The following OR2L13 variants were observed in gnomAD, a reference collection of about 807,000 sequenced individuals.
OR2L13 encodes olfactory receptor family 2 subfamily L member 13.
OR2L13 carries 14 observed loss-of-function variants against 15.3 expected under a neutral mutation model. The ratio of observed to expected loss-of-function variants is 0.91; its 90% CI spans 0.60 to 1.43. The LOEUF is 1.43. OR2L13 is among the 40% of genes most tolerant of loss of function. The pLI is 0.00. For missense variants in OR2L13, 367 were observed against 387.9 expected (o/e 0.95, Z 0.45); for synonymous variants, 152 against 142.9 (o/e 1.06, Z -0.45).
chr1:248,098,565 GC>G (rs759085595), intron 1 of OR2L13, 85 bp from the exon 2 acceptor site: 11 of 152,068 alleles, frequency 7.2e-5, no homozygotes, highest in Non-Finnish European at 1.5e-4. Context: ...TTGTATTCAT[GC>G]TACCCAAGGT....
the OR2L13 span, chr1:247,975,319 T>A: frequency 2.0e-6 from 1 of 501,252 alleles, no homozygotes; most frequent in Non-Finnish European, 3.9e-6. Flanking sequence ...CACAGTGTTT[T>A]TGAGCACAAC....
the OR2L13 span, among the ~76,000 whole-genome samples, chr1:248,011,828 C>A: frequency 6.6e-6 from 1 of 152,118 alleles, no homozygotes; most frequent in African/African-American, 2.4e-5. Context: ...TGTATCAATC[C>A]TCCTGCCCTC....
At chr1:248,054,582 G>A in the OR2L13 span, among the ~76,000 whole-genome samples, 1 of 152,150 alleles carries the variant, frequency 6.6e-6, no homozygotes, top group Non-Finnish European at 1.5e-5. Context: ...AGTATGGAAT[G>A]TTTTTCCCTC....
the OR2L13 span, among the ~76,000 whole-genome samples, chr1:248,067,953 G>A: frequency 2.3e-3 from 345 of 152,346 alleles, no homozygotes; most frequent in Non-Finnish European, 3.4e-3. Flanking sequence ...AGGGGCGCCC[G>A]CCATTGCCCA....
chr1:247,981,838 C>T, the OR2L13 span, among the ~76,000 whole-genome samples: 4 of 148,604 alleles, frequency 2.7e-5, 1 homozygote, highest in Non-Finnish European at 5.9e-5. Context: ...TTTTTTGAGA[C>T]GGAGTCTCGC....
the OR2L13 span, among the ~76,000 whole-genome samples, chr1:248,046,081 G>C: frequency 3.3e-5 from 5 of 152,016 alleles, no homozygotes; most frequent in South Asian, 1.0e-3. Context: ...TAAGAAATTC[G>C]AGAACATTTA....
chr1:248,031,947 C>A, the OR2L13 span, among the ~76,000 whole-genome samples: 25 of 152,152 alleles, frequency 1.6e-4, no homozygotes, highest in African/African-American at 5.8e-4. Context: ...TAATAACTCT[C>A]ATGGAAAGTT....
the OR2L13 span, among the ~76,000 whole-genome samples, chr1:248,008,015 G>C: frequency 6.6e-6 from 1 of 152,078 alleles, no homozygotes; most frequent in Non-Finnish European, 1.5e-5. Flanking sequence ...AGAAATTTTG[G>C]TTAACATTAG....
the OR2L13 span, among the ~76,000 whole-genome samples, chr1:248,021,731 C>G: frequency 6.6e-6 from 1 of 152,106 alleles, no homozygotes. Context: ...ATTTTATTTG[C>G]AGCTATTTTT....
the OR2L13 span, among the ~76,000 whole-genome samples, chr1:247,981,817 ATT>A: frequency 0.038 from 5,433 of 143,080 alleles, 303 homozygotes; most frequent in African/African-American, 0.13. Context: ...CATAATAACA[ATT>A]TTTTTTTTTT....
At chr1:247,938,497 G>A in the OR2L13 span, among the ~76,000 whole-genome samples, 1 of 152,096 alleles carries the variant, frequency 6.6e-6, no homozygotes, top group East Asian at 1.9e-4. Flanking sequence ...AAGTTTAGAA[G>A]TCAGAATTCA....
chr1:248,037,315 C>T, the OR2L13 span, among the ~76,000 whole-genome samples: 1 of 152,078 alleles, frequency 6.6e-6, no homozygotes, highest in Admixed American at 6.6e-5. Context: ...TGCAGTTCTA[C>T]AAGTAAGTCT....
At chr1:248,019,419 C>T in the OR2L13 span, among the ~76,000 whole-genome samples, 776 of 152,268 alleles carry the variant, frequency 5.1e-3, 6 homozygotes, top group African/African-American at 0.017. Context: ...TGAAACCCAT[C>T]ATAAATCGAG....
chr1:248,088,504 A>G, the OR2L13 span, among the ~76,000 whole-genome samples: 2 of 152,220 alleles, frequency 1.3e-5, no homozygotes, highest in Admixed American at 6.5e-5. Context: ...AATAAATAAA[A>G]TATTGGTAAA....
the OR2L13 span, among the ~76,000 whole-genome samples, chr1:248,031,446 C>G: frequency 2.0e-5 from 3 of 152,222 alleles, no homozygotes; most frequent in Non-Finnish European, 4.4e-5. Flanking sequence ...GGAAGCAGGA[C>G]AGGCTTCTGC....
chr1:248,060,449 A>C, the OR2L13 span, among the ~76,000 whole-genome samples: 38 of 152,330 alleles, frequency 2.5e-4, no homozygotes, highest in African/African-American at 8.9e-4. Context: ...CTGTATATTC[A>C]TTCTATTTTA....
chr1:248,060,843 C>T, the OR2L13 span: 243 of 1,613,986 alleles, frequency 1.5e-4, no homozygotes, highest in Middle Eastern at 6.6e-4. Flanking sequence ...ACACCCATCT[C>T]CACACACCCA....
chr1:247,947,125 T>C, the OR2L13 span, among the ~76,000 whole-genome samples: 1 of 152,206 alleles, frequency 6.6e-6, no homozygotes, highest in African/African-American at 2.4e-5. Flanking sequence ...TATCAATTAA[T>C]ACAATTTTAG....
At chr1:248,060,648 T>G in the OR2L13 span, 9 of 1,538,358 alleles carry the variant, frequency 5.9e-6, no homozygotes, top group Non-Finnish European at 7.1e-6. Flanking sequence ...CTTACCCTTG[T>G]GTCTCCCTTC....
Sources: allele counts gnomAD v4.1 joint callset (sites outside exome capture counted in the v4.1 genomes callset), GRCh38; gene constraint gnomAD v4.1.1; transcripts MANE v1.5; gene names NCBI Gene and HGNC (gene_info 2026-07-23, HGNC 2026-07-21).